SYK: variants seen among roughly 807,000 people sequenced by gnomAD.
The protein encoded by SYK is tyrosine-protein kinase SYK.
Under a neutral mutation model 77.8 loss-of-function variants are expected in SYK, and 16 were observed. That is an observed-to-expected ratio of 0.21 (90% confidence interval 0.14 to 0.31). The LOEUF is 0.31. Among genes scored for constraint, SYK ranks in the 10% least tolerant of loss-of-function variants. The probability of loss-of-function intolerance (pLI) is 1.00; values close to 1 mark genes in which losing one functional copy is unlikely to be tolerated. For missense variants in SYK, 529 were observed against 814.4 expected (o/e 0.65, Z 4.26); for synonymous variants, 312 against 308.7 (o/e 1.01, Z -0.11).
chr9:90,865,356 G>A (rs1035050021), intron 6 of SYK, among the ~76,000 whole-genome samples: 2 of 150,908 alleles, frequency 1.3e-5, no homozygotes. Context: ...CACCCTGACT[G>A]GAGTGCACTG....
intron 1 of SYK, among the ~76,000 whole-genome samples, chr9:90,830,364 G>A (rs1825835328): frequency 6.6e-6 from 1 of 152,230 alleles, no homozygotes; most frequent in African/African-American, 2.4e-5. Flanking sequence ...CCACAGGTCT[G>A]TGTCCACATG....
chr9:90,865,003 G>C (rs1564105185), intron 5 of SYK, 45 bp from the exon 6 acceptor site: 1 of 1,597,292 alleles, frequency 6.3e-7, no homozygotes. Flanking sequence ...GAAGGAAGTG[G>C]TTTCCTCAGA....
At chr9:90,874,111 CTG>C (rs1472890038) in intron 7 of SYK, 91 bp from the exon 8 acceptor site, 1 of 1,020,114 alleles carries the variant, frequency 9.8e-7, no homozygotes, top group Non-Finnish European at 1.5e-6. Flanking sequence ...AAAAGTTAAA[CTG>C]TGATTATTGG....
chr9:90,864,947 G>A (rs1303008012), intron 5 of SYK, 101 bp from the exon 6 acceptor site: 3 of 1,211,676 alleles, frequency 2.5e-6, no homozygotes, highest in Non-Finnish European at 3.7e-6. Context: ...CACTTCTCAA[G>A]CAGCAGCACA....
At chr9:90,834,909 C>G (rs1364975337) in intron 1 of SYK, among the ~76,000 whole-genome samples, 1 of 152,238 alleles carries the variant, frequency 6.6e-6, no homozygotes, top group Non-Finnish European at 1.5e-5. Flanking sequence ...GTGTCCACAA[C>G]AGCTGACACA....
At chr9:90,850,366 A>C (rs549359464) in intron 3 of SYK, among the ~76,000 whole-genome samples, 1 of 152,242 alleles carries the variant, frequency 6.6e-6, no homozygotes, top group East Asian at 1.9e-4. Context: ...CAGTATAAAA[A>C]TTAGCTGAGT....
chr9:90,847,605 T>C (rs1170918455), intron 3 of SYK, among the ~76,000 whole-genome samples: 1 of 152,210 alleles, frequency 6.6e-6, no homozygotes, highest in Admixed American at 6.5e-5. Context: ...TAGCACCCCA[T>C]GCCCAGGCCT....
intron 13 of SYK, among the ~76,000 whole-genome samples, 186 bp downstream of exon 13, chr9:90,888,813 G>A (rs1213725268): frequency 6.6e-6 from 1 of 152,234 alleles, no homozygotes; most frequent in Non-Finnish European, 1.5e-5. Context: ...GCACTTACAT[G>A]TAGTAGAGCC....
At chr9:90,839,130 G>T (rs1826196563) in intron 1 of SYK, among the ~76,000 whole-genome samples, 1 of 152,252 alleles carries the variant, frequency 6.6e-6, no homozygotes, top group Non-Finnish European at 1.5e-5. Context: ...GCCTGAGAAA[G>T]AGGAGGTTGG....
Position 90,896,201 on chromosome 9 carries a change from AAG to A in SYK, c.*603_*604del. 4.3e-6 allele frequency: 1 copy of A among 232,316 alleles called. No individual in the cohort carries two copies. The highest frequency in any genetic ancestry group is 8.5e-6 in the Non-Finnish European group (1 of 117,642). The allele number at this position is 232,316 out of a possible 1,614,324, so 14.4% of individuals were successfully genotyped here. On this transcript the variant is annotated 3_prime_UTR_variant, in exon 14 of 14. Transcript: ENST00000375754. Reference sequence around the variant, plus strand: ...ATGTAGCCAGTTAAGGAAAGAAAGAAAGAAAAAAAAAAAAGGCCTGGATACTG... The same window carrying A: ...ATGTAGCCAGTTAAGGAAAGAAAGAAAAAAAAAAAAAAGGCCTGGATACTG...
chr9:90,816,562 G>GTA (rs1021415285), intron 1 of SYK, among the ~76,000 whole-genome samples: 3 of 152,184 alleles, frequency 2.0e-5, no homozygotes, highest in African/African-American at 7.2e-5. Context: ...TAATTATGGG[G>GTA]TACACAGTGA....
In SYK at chr9:90,896,512, C is replaced by T. The variant is rs201656525; in HGVS notation, c.*912C>T. 4.3e-6 allele frequency: 1 copy of T among 233,118 alleles called. No individual in the cohort carries two copies. Among genetic ancestry groups the T allele is most frequent in the Non-Finnish European group, 8.5e-6 (1 of 117,958 alleles). 14.4% of individuals were successfully genotyped at this position (233,118 alleles called of 1,614,324 possible). A position where few individuals can be genotyped will look rare whatever the true frequency, so the allele number is the denominator to read the frequency against. On this transcript the variant is annotated 3_prime_UTR_variant, in exon 14 of 14. Coordinates refer to ENST00000375754, the MANE Select transcript of SYK (RefSeq NM_003177.7). ...AGAGGGTGCCGCCAGAATCCCCTGT[C>T]GCTTTCTGTGTCTGCAATGGGGGGC...
intron 3 of SYK, among the ~76,000 whole-genome samples, chr9:90,857,977 T>C (rs1355916714): frequency 6.6e-6 from 1 of 152,194 alleles, no homozygotes; most frequent in Non-Finnish European, 1.5e-5. Flanking sequence ...GAACACCTAG[T>C]GGGCTGGAAT....
intron 1 of SYK, among the ~76,000 whole-genome samples, chr9:90,825,379 T>C (rs1825637893): frequency 6.6e-6 from 1 of 152,196 alleles, no homozygotes; most frequent in Admixed American, 6.5e-5. Context: ...GATTCTGAAC[T>C]TTACTTGGGA....
intron 1 of SYK, among the ~76,000 whole-genome samples, chr9:90,804,817 G>C (rs1443280427): frequency 3.3e-5 from 5 of 152,170 alleles, no homozygotes; most frequent in African/African-American, 1.2e-4. Flanking sequence ...TTTCTACTGA[G>C]GGATTGTGGG....
At chr9:90,809,452 G>T (rs2118284381) in intron 1 of SYK, among the ~76,000 whole-genome samples, 1 of 152,336 alleles carries the variant, frequency 6.6e-6, no homozygotes, top group Non-Finnish European at 1.5e-5. Context: ...TGCCTAATTG[G>T]TGGGCAGGTT....
intron 7 of SYK, among the ~76,000 whole-genome samples, chr9:90,871,962 A>G (rs1429016147): frequency 6.6e-6 from 1 of 152,224 alleles, no homozygotes; most frequent in Non-Finnish European, 1.5e-5. Flanking sequence ...TCCATAAGCC[A>G]AGATAGACTA....
intron 3 of SYK, among the ~76,000 whole-genome samples, chr9:90,848,057 C>A (rs866382813): frequency 1.3e-5 from 2 of 151,986 alleles, no homozygotes; most frequent in South Asian, 4.2e-4. Flanking sequence ...GTGTAGTGGG[C>A]GTGTTATACT....
intron 11 of SYK, among the ~76,000 whole-genome samples, chr9:90,884,214 C>CACATACACATACACAT (rs1564120060): frequency 1.1e-4 from 7 of 65,676 alleles, no homozygotes; most frequent in African/African-American, 1.9e-4. Flanking sequence ...TGTATATATA[C>CACATACACATACACAT]ACGCATATAC....
Sources: allele counts gnomAD v4.1 joint callset (sites outside exome capture counted in the v4.1 genomes callset), GRCh38; gene constraint gnomAD v4.1.1; transcripts MANE v1.5; gene names NCBI Gene and HGNC (gene_info 2026-07-23, HGNC 2026-07-21).